The following CMIP variants were observed in gnomAD, a reference collection of about 807,000 sequenced individuals.
CMIP encodes C-Maf-inducing protein.
A neutral mutation model predicts 97.3 loss-of-function variants in CMIP; 13 were observed. The observed-to-expected ratio is 0.13, with a 90% confidence interval of 0.09 to 0.21. The LOEUF (loss-of-function observed/expected upper bound fraction) is 0.21. Among genes scored for constraint, CMIP ranks in the 10% least tolerant of loss-of-function variants. The pLI, the probability that CMIP is intolerant of heterozygous loss-of-function variation, is 1.00. For synonymous variants in CMIP, 538 were observed against 436.3 expected (o/e 1.23, Z -2.91); for missense variants, 847 against 1,024.9 (o/e 0.83, Z 2.37).
chr16:81,679,800 C>G (rs1404937779), intron 10 of CMIP, among the ~76,000 whole-genome samples: 1 of 152,112 alleles, frequency 6.6e-6, no homozygotes, highest in Non-Finnish European at 1.5e-5. Context: ...GCCATCCACA[C>G]GCTCCACCTG....
chr16:81,693,682 C>T (rs994024226), intron 13 of CMIP, among the ~76,000 whole-genome samples, 195 bp downstream of exon 13: 1 of 152,288 alleles, frequency 6.6e-6, no homozygotes, highest in South Asian at 2.1e-4. Flanking sequence ...CTGTAAACGC[C>T]GGCTCACCGG....
At chr16:81,488,355 C>T (rs1385742030) in intron 1 of CMIP, among the ~76,000 whole-genome samples, 12 of 152,182 alleles carry the variant, frequency 7.9e-5, no homozygotes, top group Non-Finnish European at 5.9e-5. Context: ...CTCAGTTTCC[C>T]TGTCTCTAAA....
intron 1 of CMIP, among the ~76,000 whole-genome samples, chr16:81,596,506 CAAAAAAAAAAA>C (rs1164896590): frequency 4.5e-5 from 4 of 89,022 alleles, no homozygotes; most frequent in Non-Finnish European, 9.9e-5. Context: ...GGCCCTGTCT[CAAAAAAAAAAA>C]AAAAAAAAAA....
At chr16:81,467,193 C>G (rs1022829458) in intron 1 of CMIP, among the ~76,000 whole-genome samples, 4 of 152,182 alleles carry the variant, frequency 2.6e-5, no homozygotes, top group African/African-American at 7.2e-5. Context: ...ATGTTTGTCA[C>G]CGGTCCCTAA....
rs998801764 is a variant in CMIP at position 81,710,863 on chromosome 16, C to G, written c.*1064C>G. On this transcript the variant is annotated 3_prime_UTR_variant, in exon 21 of 21. Coordinates refer to ENST00000537098, the MANE Select transcript of CMIP (RefSeq NM_198390.3). ...CCAGGGAGCTCCTGTCCCTGTCAGC[C>G]TTTGCTGTCCCCTGTCCCCAACGGA... 3.3e-5 allele frequency: 5 copies of G among 152,266 alleles called. No homozygotes were observed. Among genetic ancestry groups the G allele is most frequent in the African/African-American group, 1.2e-4 (5 of 41,450 alleles). 9.4% of individuals were successfully genotyped at this position (152,266 alleles called of 1,614,324 possible). A position where few individuals can be genotyped will look rare whatever the true frequency, so the allele number is the denominator to read the frequency against.
intron 1 of CMIP, among the ~76,000 whole-genome samples, chr16:81,575,932 A>C (rs138436048): frequency 1.4e-3 from 212 of 152,316 alleles, no homozygotes; most frequent in African/African-American, 5.0e-3. Context: ...AAACTGTAAG[A>C]CTTTTCAAAA....
intron 10 of CMIP, among the ~76,000 whole-genome samples, chr16:81,691,448 C>A (rs1906062054): frequency 6.6e-6 from 1 of 152,164 alleles, no homozygotes; most frequent in African/African-American, 2.4e-5. Flanking sequence ...CAAAGTTCAG[C>A]CTAAAACACC....
At chr16:81,640,770 G>GTGTGTGTGTGTGTGTCTC (rs376370488) in intron 3 of CMIP, among the ~76,000 whole-genome samples, 1,980 of 135,576 alleles carry the variant, frequency 0.015, 23 homozygotes, top group African/African-American at 0.032. Context: ...GTGTGTGTGT[G>GTGTGTGTGTGTGTGTCTC]TCTCTCTCTC....
chr16:81,467,339 GC>G (rs924634469), intron 1 of CMIP, among the ~76,000 whole-genome samples: 1 of 152,154 alleles, frequency 6.6e-6, no homozygotes, highest in Non-Finnish European at 1.5e-5. Context: ...TGAGGCAGGG[GC>G]TTAACATAGA....
chr16:81,628,445 G>A lies in CMIP; in HGVS notation c.477+7519G>A, dbSNP rs577842330. ...ACTCCTGTCCCATGCATGTGCCAGTGCCTCACTTACTCACCTTGGTGAATC... is the reference window on the plus strand; with the variant it reads ...ACTCCTGTCCCATGCATGTGCCAGTACCTCACTTACTCACCTTGGTGAATC... On this transcript the variant is annotated intron_variant, in intron 3 of 20. Transcript: ENST00000537098. 2.0e-5 allele frequency among the ~76,000 whole-genome samples: 3 copies of A among 152,340 alleles called. No homozygotes were observed. In the East Asian group the frequency reaches 5.8e-4, roughly 29 times the overall value.
intron 1 of CMIP, among the ~76,000 whole-genome samples, chr16:81,467,591 T>A (rs1466175806): frequency 6.6e-6 from 1 of 151,670 alleles, no homozygotes; most frequent in Admixed American, 6.6e-5. Context: ...CTTTATTTTT[T>A]TTTTTTTGAG....
intron 2 of CMIP, among the ~76,000 whole-genome samples, chr16:81,615,414 G>T (rs1196583046): frequency 4.8e-5 from 7 of 147,086 alleles, no homozygotes; most frequent in Non-Finnish European, 1.0e-4. Flanking sequence ...TGGTGTGTGT[G>T]TGTGTGCGTG....
chr16:81,576,233 G>C (rs753789888), intron 1 of CMIP, among the ~76,000 whole-genome samples: 5 of 152,042 alleles, frequency 3.3e-5, no homozygotes, highest in Non-Finnish European at 5.9e-5. Flanking sequence ...GTGAAACCCC[G>C]TCTCTACTAA....
At position 81,614,184 on chromosome 16, in the gene CMIP, A is replaced by G. The variant is rs976939511; in HGVS notation, c.426+6492A>G. On this transcript the variant is annotated intron_variant, in intron 2 of 20. Transcript: ENST00000537098. The surrounding 1 kb of genome is among the most constrained non-coding windows in gnomAD (Gnocchi z 5.3). ...CGGGCAGCGGAGAGAAGGGGGTGACAGCAGAATGTTCCTGGTGGGGGAGTA... is the reference window on the plus strand; with the variant it reads ...CGGGCAGCGGAGAGAAGGGGGTGACGGCAGAATGTTCCTGGTGGGGGAGTA... Among the ~76,000 whole-genome samples the G allele has an allele frequency of 2.0e-5, 3 of 152,172 alleles. No homozygotes were observed. The highest frequency in any genetic ancestry group is 7.2e-5 in the African/African-American group (3 of 41,456).
Position 81,678,645 on chromosome 16 carries a change from C to G in CMIP, c.1388+17C>G. The G allele has an allele frequency of 7.2e-6, 9 of 1,258,356 alleles. No individual in the cohort carries two copies. Among genetic ancestry groups the G allele is most frequent in the Non-Finnish European group, 1.0e-5 (9 of 883,264 alleles). The allele number at this position is 1,258,356 out of a possible 1,614,324, so 77.9% of individuals were successfully genotyped here. ...CAAGCTGCTGTGAGTGCCCCCCCCGCGTGCCCGCCCCCGGGGCCGGTGGGA... is the reference window on the plus strand; with the variant it reads ...CAAGCTGCTGTGAGTGCCCCCCCCGGGTGCCCGCCCCCGGGGCCGGTGGGA... On this transcript the variant is annotated intron_variant, in intron 10 of 20. Transcript: ENST00000537098.
chr16:81,598,595 C>G lies in CMIP; in HGVS notation c.301-8972C>G, dbSNP rs111390360. Among the ~76,000 whole-genome samples, 1,335 of 152,254 alleles carry G rather than the reference C, an allele frequency of 8.8e-3. 19 individuals carry two copies. Among genetic ancestry groups the G allele is most frequent in the African/African-American group, 0.03 (1,236 of 41,556 alleles). The stretch of plus-strand genomic sequence containing the variant: ...ATTTTTCTCCCATGAGATTTTCTTG[C>G]TCAAAGCCTCATTACTTTTACTTTA... On this transcript the variant is annotated intron_variant, in intron 1 of 20. Transcript: ENST00000537098.
intron 1 of CMIP, among the ~76,000 whole-genome samples, chr16:81,576,162 G>A (rs1294005381): frequency 6.6e-6 from 1 of 152,184 alleles, no homozygotes. Context: ...CCAGCACTTT[G>A]GGAGGCTGAG....
chr16:81,702,273 A>T (rs935650685), intron 16 of CMIP, among the ~76,000 whole-genome samples: 13 of 152,122 alleles, frequency 8.5e-5, no homozygotes, highest in Non-Finnish European at 1.9e-4. Flanking sequence ...TCACCCCTTC[A>T]GTGAGATATG....
intron 1 of CMIP, among the ~76,000 whole-genome samples, chr16:81,504,091 C>T (rs534695128): frequency 4.6e-5 from 7 of 152,240 alleles, no homozygotes; most frequent in Admixed American, 2.0e-4. Flanking sequence ...TTGGGAAGGC[C>T]GAGGGAGGCA....
Sources: gnomAD v4.1 joint callset for allele counts (sites outside exome capture counted in the v4.1 genomes callset) on GRCh38, gnomAD v4.1.1 for gene constraint, Gnocchi (gnomAD v3.1) non-coding constraint, MANE v1.5 for transcripts, NCBI Gene and HGNC (gene_info 2026-07-23, HGNC 2026-07-21) for gene names.